The following FNDC1 variants were observed in gnomAD, a reference collection of about 807,000 sequenced individuals.
FNDC1 encodes fibronectin type III domain-containing protein 1.
Under a neutral mutation model 168.0 loss-of-function variants are expected in FNDC1, and 96 were observed. The ratio of observed to expected loss-of-function variants is 0.57; its 90% CI spans 0.48 to 0.68. The LOEUF is 0.68. FNDC1 is among the 30% of genes least tolerant of loss of function. FNDC1 has a pLI of 0.00. For missense variants in FNDC1, 2,587 were observed against 2,482.1 expected (o/e 1.04, Z -0.90); for synonymous variants, 1,099 against 1,025.9 (o/e 1.07, Z -1.36).
At chr6:159,186,946 C>A (rs1183729765) in intron 1 of FNDC1, among the ~76,000 whole-genome samples, 1 of 152,174 alleles carries the variant, frequency 6.6e-6, no homozygotes, top group Non-Finnish European at 1.5e-5. Context: ...GAAAGTTTGG[C>A]CTTTTTGTCT....
chr6:159,235,674 G>C (rs1463699349), intron 11 of FNDC1, among the ~76,000 whole-genome samples: 1 of 152,186 alleles, frequency 6.6e-6, no homozygotes, highest in African/African-American at 2.4e-5. Context: ...GGGTGCTGCT[G>C]CATCTTCTTA....
intron 1 of FNDC1, among the ~76,000 whole-genome samples, chr6:159,189,619 G>T (rs533952906): frequency 1.9e-4 from 29 of 152,336 alleles, no homozygotes; most frequent in African/African-American, 6.7e-4. Flanking sequence ...TGATGGCAGA[G>T]GCCACAGTTG....
intron 7 of FNDC1, among the ~76,000 whole-genome samples, chr6:159,224,237 A>G (rs1339770888): frequency 1.3e-5 from 2 of 152,246 alleles, no homozygotes; most frequent in African/African-American, 2.4e-5. Flanking sequence ...TGCAACAGCA[A>G]TAAAAGGCAA....
Position 159,256,743 on chromosome 6 carries a change from C to A in FNDC1, c.5174+112C>A, listed in dbSNP as rs187411642. 2.0e-3 allele frequency: 1,560 copies of A among 791,752 alleles called. 4 individuals carry two copies. The highest frequency in any genetic ancestry group is 2.9e-3 in the Non-Finnish European group (1,339 of 466,206). 49.0% of individuals were successfully genotyped at this position (791,752 alleles called of 1,614,324 possible). ...AATGTTTTTGTGATTTCTTTGAATA[C>A]CCTGTTTGGTTCTAATAGAATGTCA... On this transcript the variant is annotated intron_variant, in intron 18 of 22. Transcript: ENST00000297267.
Position 159,266,075 on chromosome 6 carries a change from G to A in FNDC1, c.5285-9G>A, listed in dbSNP as rs377688911. On this transcript the variant is annotated splice_polypyrimidine_tract_variant and intron_variant, in intron 20 of 22. Transcript: ENST00000297267. ...CTTACCCTTAGCAGGTGTGTTTTGT[G>A]TTGTCAAGGCGGTGAGCCTATCTGG... 2 of 1,613,316 alleles carry A rather than the reference G, an allele frequency of 1.2e-6. No individual in the cohort carries two copies. Among genetic ancestry groups the A allele is most frequent in the African/African-American group, 2.7e-5 (2 of 74,924 alleles).
rs200760400 is a variant in FNDC1, at chr6:159,248,917, G to C, written c.4691-122G>C. 88 of 779,550 alleles carry C rather than the reference G, an allele frequency of 1.1e-4. 1 individual carries two copies. The African/African-American group carries it at 1.6e-3, about 14-fold the overall frequency. 48.3% of individuals were successfully genotyped at this position (779,550 alleles called of 1,614,324 possible). On this transcript the variant is annotated intron_variant, in intron 15 of 22. Transcript: ENST00000297267. ...AGCATTTATTTTAGGGTGTGTGTGTGTGTGTGTCTGTCTGTCTGTCTGGGT... is the reference window on the plus strand; with the variant it reads ...AGCATTTATTTTAGGGTGTGTGTGTCTGTGTGTCTGTCTGTCTGTCTGGGT...
In FNDC1 at chr6:159,226,579, A is replaced by T; in HGVS notation, c.1179A>T (p.Lys393Asn). Residue 393 changes from lysine to asparagine, a missense_variant and splice_region_variant, in exon 9 of 23, where the codon AAA becomes AAT. Lys to Asn is a moderately conservative substitution (Grantham distance 94). Coordinates refer to ENST00000297267, the MANE Select transcript of FNDC1 (RefSeq NM_032532.3). ...TACCAGAGACTGAGGGGAAAGTGAA[A>T]GGTAGGAATCTCACTCCCTAAACTG... ...DALPETEGKVKEYILSYAPAL... is the reference protein window; with the variant it reads ...DALPETEGKVNEYILSYAPAL... 6.3e-7 allele frequency: 1 copy of T among 1,598,890 alleles called. No homozygotes were observed. The highest frequency in any genetic ancestry group is 8.5e-7 in the Non-Finnish European group (1 of 1,171,568).
At chr6:159,199,301 G>A (rs1299822829) in intron 2 of FNDC1, among the ~76,000 whole-genome samples, 1 of 152,002 alleles carries the variant, frequency 6.6e-6, no homozygotes, top group Non-Finnish European at 1.5e-5. Flanking sequence ...TCAACTTTAG[G>A]AGCTCAGCCC....
intron 1 of FNDC1, among the ~76,000 whole-genome samples, chr6:159,188,369 CTTTTTT>C (rs61551779): frequency 7.8e-6 from 1 of 128,638 alleles, no homozygotes; most frequent in Non-Finnish European, 1.7e-5. Context: ...CAATTTCTTT[CTTTTTT>C]TTTTTTTTTT....
chr6:159,217,905 AG>A (rs770964013), intron 5 of FNDC1, among the ~76,000 whole-genome samples: 1 of 152,204 alleles, frequency 6.6e-6, no homozygotes, highest in Non-Finnish European at 1.5e-5. Context: ...CTTGAATTAG[AG>A]ACTCAACCCC....
Position 159,256,566 on chromosome 6 carries a change from C to A in FNDC1, c.5109C>A (p.Asn1703Lys), listed in dbSNP as rs1481415518. Residue 1703 changes from asparagine to lysine, a missense_variant, in exon 18 of 23, where the codon AAC becomes AAA. By Grantham distance (94) the Asn-to-Lys change is moderately conservative. Coordinates refer to ENST00000297267, the MANE Select transcript of FNDC1 (RefSeq NM_032532.3). ...YSASYEDFIRNKWSTQASSVT... is the reference protein window; with the variant it reads ...YSASYEDFIRKKWSTQASSVT... Reference sequence around the variant, plus strand: ...CATCCTATGAAGACTTCATCAGGAACAAGTGGTCCACTCAAGCTTCATCAG... The same window carrying A: ...CATCCTATGAAGACTTCATCAGGAAAAAGTGGTCCACTCAAGCTTCATCAG... 1 of 1,613,964 alleles carries A rather than the reference C, an allele frequency of 6.2e-7. No homozygotes were observed. The highest frequency in any genetic ancestry group is 1.1e-5 in the South Asian group (1 of 91,074).
chr6:159,174,484 C>G (rs1781724113), intron 1 of FNDC1, among the ~76,000 whole-genome samples: 1 of 152,266 alleles, frequency 6.6e-6, no homozygotes, highest in South Asian at 2.1e-4. Context: ...AGCCACCACC[C>G]GCAGGCCCTT....
intron 5 of FNDC1, among the ~76,000 whole-genome samples, chr6:159,218,059 C>T (rs1782742220): frequency 1.3e-5 from 2 of 152,330 alleles, no homozygotes; most frequent in African/African-American, 4.8e-5. Context: ...GGTTTTGCAT[C>T]TCCGCTGTTG....
intron 1 of FNDC1, among the ~76,000 whole-genome samples, chr6:159,177,901 G>T (rs901127925): frequency 6.6e-6 from 1 of 152,024 alleles, no homozygotes; most frequent in African/African-American, 2.4e-5. Flanking sequence ...TCGGTGGTTT[G>T]GACTTCACCC....
In FNDC1 at chr6:159,214,978, G is replaced by T. The variant is rs759316968; in HGVS notation, c.494G>T (p.Arg165Leu). 4 of 1,613,878 alleles carry T rather than the reference G, an allele frequency of 2.5e-6. No individual in the cohort carries two copies. Among genetic ancestry groups the T allele is most frequent in the Non-Finnish European group, 2.5e-6 (3 of 1,179,890 alleles). ...GTGCCCAACAAGCCCTTGCGTGTGC[G>T]TGTCCGGTCCTCAGATGACAGGCTG... ...KEVPNKPLRV[R>L]VRSSDDRLSV... is the part of the protein sequence containing the mutation. The change falls in exon 5 of 23, where the codon CGT becomes CTT. Residue 165 changes from arginine (R) to leucine (L), a missense_variant. Physicochemically the swap from Arg to Leu is moderately radical, Grantham distance 102 (BLOSUM62 -2). Transcript: ENST00000297267.
chr6:159,230,970 G>A (rs1012949365), intron 10 of FNDC1, among the ~76,000 whole-genome samples: 1 of 151,800 alleles, frequency 6.6e-6, no homozygotes, highest in African/African-American at 2.4e-5. Context: ...TTTATTTTAA[G>A]CCTTATTTTA....
intron 14 of FNDC1, 101 bp from the exon 15 acceptor site, chr6:159,246,800 C>A: frequency 5.0e-6 from 4 of 794,046 alleles, no homozygotes; most frequent in Non-Finnish European, 8.6e-6. Context: ...GTTTTCATGA[C>A]CTGCTTGAGG....
chr6:159,218,557 G>A (rs1156325340), intron 5 of FNDC1: 1 of 152,162 alleles, frequency 6.6e-6, no homozygotes, highest in African/African-American at 2.4e-5. Context: ...TCCTGCATGG[G>A]ATTTTCAAGC....
At chr6:159,228,930 C>T (rs889782827) in intron 9 of FNDC1, among the ~76,000 whole-genome samples, 7 of 152,204 alleles carry the variant, frequency 4.6e-5, no homozygotes, top group Admixed American at 3.3e-4. Context: ...CCCGCCTTAG[C>T]CTCCCAAAGT....
Sources: gnomAD v4.1 joint callset for allele counts (sites outside exome capture counted in the v4.1 genomes callset) on GRCh38, gnomAD v4.1.1 for gene constraint, MANE v1.5 for transcripts, NCBI Gene and HGNC (gene_info 2026-07-23, HGNC 2026-07-21) for gene names.